Variants in STXBP3 observed in about 807,000 individuals in gnomAD.
STXBP3 encodes the protein syntaxin binding protein 3.
STXBP3 carries 41 observed loss-of-function variants against 85.7 expected under a neutral mutation model. The ratio of observed to expected loss-of-function variants is 0.48; its 90% CI spans 0.37 to 0.62. The LOEUF is 0.62. Among genes scored for constraint, STXBP3 ranks in the 20% least tolerant of loss-of-function variants. The pLI, the probability that STXBP3 is intolerant of heterozygous loss-of-function variation, is 0.00. For missense variants in STXBP3, 563 were observed against 703.1 expected (o/e 0.80, Z 2.25); for synonymous variants, 229 against 231.7 (o/e 0.99, Z 0.10).
At chr1:108,759,868 T>A in intron 5 of STXBP3, 117 bp from the exon 6 acceptor site, 1 of 648,488 alleles carries the variant, frequency 1.5e-6, no homozygotes, top group Non-Finnish European at 2.7e-6. Flanking sequence ...ATTTATGTCC[T>A]CATAATAACT....
intron 10 of STXBP3, 44 bp downstream of exon 10, chr1:108,782,561 CTA>C: frequency 5.6e-6 from 9 of 1,601,282 alleles, no homozygotes; most frequent in Non-Finnish European, 7.7e-6. Flanking sequence ...TTTTTAGACA[CTA>C]TGTGATAGTA....
intron 9 of STXBP3, chr1:108,780,324 A>G (rs927944946): frequency 6.6e-6 from 1 of 151,868 alleles, no homozygotes; most frequent in Non-Finnish European, 1.5e-5. Context: ...TAACATAGCT[A>G]TTTTTCTAAT....
intron 7 of STXBP3, among the ~76,000 whole-genome samples, chr1:108,773,757 C>T (rs1297515582): frequency 6.6e-6 from 1 of 152,136 alleles, no homozygotes; most frequent in African/African-American, 2.4e-5. Context: ...GGGAGGAAAC[C>T]AGAGTACCAG....
At chr1:108,762,844 A>G (rs1021870876) in intron 6 of STXBP3, among the ~76,000 whole-genome samples, 3 of 152,162 alleles carry the variant, frequency 2.0e-5, no homozygotes, top group African/African-American at 7.2e-5. Context: ...TCACATGCCA[A>G]CCAGTCTGTT....
chr1:108,759,520 AG>A (rs1662090193), intron 5 of STXBP3, among the ~76,000 whole-genome samples: 2 of 152,226 alleles, frequency 1.3e-5, no homozygotes, highest in Admixed American at 1.3e-4. Flanking sequence ...TCCAGAACTT[AG>A]TATTATAGAG....
Position 108,793,717 on chromosome 1 carries a change from T to C in STXBP3, c.1029+70T>C, listed in dbSNP as rs1222333037. ...ATTCAGTTTATATTCAGTTCTGTAG[T>C]TCGATTTAGCAGTGGGTTTCGTGGA... On this transcript the variant is annotated intron_variant, in intron 12 of 18. Coordinates refer to ENST00000370008, the MANE Select transcript of STXBP3 (RefSeq NM_007269.4). 1.7e-5 allele frequency: 24 copies of C among 1,376,972 alleles called. No homozygotes were observed. The East Asian group carries it at 4.8e-4, about 27-fold the overall frequency. The allele number at this position is 1,376,972 out of a possible 1,614,324, so 85.3% of individuals were successfully genotyped here.
chr1:108,807,972 A>C (rs1663379309), intron 18 of STXBP3, among the ~76,000 whole-genome samples: 1 of 152,206 alleles, frequency 6.6e-6, no homozygotes, highest in African/African-American at 2.4e-5. Context: ...ATGCAAAAAA[A>C]TTGTTAACCA....
chr1:108,797,098 A>G (rs1332628305), intron 15 of STXBP3, among the ~76,000 whole-genome samples: 1 of 152,020 alleles, frequency 6.6e-6, no homozygotes, highest in Non-Finnish European at 1.5e-5. Flanking sequence ...CACACCTGTA[A>G]TCCCAACACT....
chr1:108,762,067 G>C (rs1461881535), intron 6 of STXBP3, among the ~76,000 whole-genome samples: 1 of 152,214 alleles, frequency 6.6e-6, no homozygotes, highest in Non-Finnish European at 1.5e-5. Context: ...AAGTGAAAAT[G>C]TAAATGAAAT....
chr1:108,766,540 A>G (rs61797306), intron 6 of STXBP3, among the ~76,000 whole-genome samples: 7,361 of 152,218 alleles, frequency 0.048, 221 homozygotes, highest in Admixed American at 0.07. Flanking sequence ...AGATTAATAA[A>G]AGAAGTTTTA....
rs560607003 is a variant in STXBP3, at chr1:108,785,568, G to A, written c.963+2862G>A. On this transcript the variant is annotated intron_variant, in intron 11 of 18. Transcript: ENST00000370008. ...GACATGCCCTGGAGACATTTTCCCC[G>A]TTGTTTTGGTGATTAACATTTGGCT... is the stretch of plus-strand genomic sequence containing the variant. Among the ~76,000 whole-genome samples the A allele has an allele frequency of 7.7e-3, 1,148 of 148,832 alleles. 13 individuals carry two copies. Among genetic ancestry groups the A allele is most frequent in the African/African-American group, 0.027 (1,097 of 40,646 alleles).
intron 8 of STXBP3, among the ~76,000 whole-genome samples, chr1:108,777,807 G>C (rs900596406): frequency 6.6e-6 from 1 of 152,056 alleles, no homozygotes; most frequent in Non-Finnish European, 1.5e-5. Context: ...GCCAAGTGTT[G>C]CTTCCTCCCA....
At chr1:108,753,472 A>G (rs77879234) in intron 3 of STXBP3, among the ~76,000 whole-genome samples, 1,640 of 152,102 alleles carry the variant, frequency 0.011, 32 homozygotes, top group African/African-American at 0.038. Flanking sequence ...GATTTAGTTT[A>G]TGGTTTCATA....
intron 6 of STXBP3, among the ~76,000 whole-genome samples, chr1:108,764,626 A>G (rs773312568): frequency 7.9e-5 from 12 of 151,936 alleles, no homozygotes; most frequent in Non-Finnish European, 1.5e-4. Flanking sequence ...TGTGGTTTTG[A>G]TTTGCATTTC....
intron 11 of STXBP3, among the ~76,000 whole-genome samples, chr1:108,787,733 C>T (rs1192678771): frequency 3.3e-5 from 5 of 151,620 alleles, no homozygotes; most frequent in African/African-American, 9.7e-5. Context: ...TAAGGATGTT[C>T]CTTTCTATTC....
chr1:108,805,844 G>A (rs908913199), intron 17 of STXBP3, among the ~76,000 whole-genome samples: 1 of 152,142 alleles, frequency 6.6e-6, no homozygotes, highest in Non-Finnish European at 1.5e-5. Flanking sequence ...GTAGTGCCCT[G>A]TGATGATGCT....
intron 13 of STXBP3, among the ~76,000 whole-genome samples, chr1:108,795,677 T>C (rs1663074036): frequency 6.6e-6 from 1 of 152,232 alleles, no homozygotes; most frequent in Non-Finnish European, 1.5e-5. Flanking sequence ...TCAGTAGTCA[T>C]ATGTGGCTAG....
chr1:108,753,141 A>G lies in STXBP3; in HGVS notation c.178A>G (p.Thr60Ala), dbSNP rs1661939534. The G allele has an allele frequency of 6.3e-7, 1 of 1,580,482 alleles. No individual in the cohort carries two copies. The highest frequency in any genetic ancestry group is 8.6e-7 in the Non-Finnish European group (1 of 1,165,606). ...KMTDLLEEGITVVENIYKNRE... is the reference protein window; with the variant it reads ...KMTDLLEEGIAVVENIYKNRE... ...GACAGATCTTCTAGAAGAAGGTATT[A>G]CTGGTAAGTGTTATTCTTGGCATGA... The change falls in exon 3 of 19, where the codon ACT (threonine) becomes GCT (alanine). Residue 60 changes from threonine (T) to alanine (A), a missense_variant. Thr to Ala is a moderately conservative substitution (Grantham distance 58). Coordinates refer to ENST00000370008, the MANE Select transcript of STXBP3 (RefSeq NM_007269.4).
At chr1:108,779,206 C>A in intron 8 of STXBP3, 80 bp from the exon 9 acceptor site, 1 of 1,454,150 alleles carries the variant, frequency 6.9e-7, no homozygotes, top group Non-Finnish European at 9.3e-7. Flanking sequence ...GAAAAGGGTG[C>A]TTTGTATTCT....
Sources: gnomAD v4.1 joint callset for allele counts (sites outside exome capture counted in the v4.1 genomes callset) on GRCh38, gnomAD v4.1.1 for gene constraint, MANE v1.5 for transcripts, NCBI Gene and HGNC (gene_info 2026-07-23, HGNC 2026-07-21) for gene names.